ABI1: variants seen among roughly 807,000 people sequenced by gnomAD.
ABI1 encodes the protein abl interactor 1.
Under a neutral mutation model 54.6 loss-of-function variants are expected in ABI1, and 14 were observed. The ratio of observed to expected loss-of-function variants is 0.26; its 90% CI spans 0.17 to 0.40. The LOEUF is 0.40. ABI1 is among the 10% of genes least tolerant of loss of function. The pLI, the probability that ABI1 is intolerant of heterozygous loss-of-function variation, is 1.00. For synonymous variants in ABI1, 194 were observed against 209.3 expected (o/e 0.93, Z 0.63); for missense variants, 443 against 598.3 (o/e 0.74, Z 2.71).
At chr10:26,840,019 CA>C (rs1412110413) in intron 1 of ABI1, among the ~76,000 whole-genome samples, 13 of 151,834 alleles carry the variant, frequency 8.6e-5, no homozygotes, top group Non-Finnish European at 8.8e-5. Flanking sequence ...ACAAAAAAAA[CA>C]AATTCAAGAT....
intron 8 of ABI1, among the ~76,000 whole-genome samples, chr10:26,758,659 AATTTG>A (rs1838693117): frequency 6.6e-6 from 1 of 152,214 alleles, no homozygotes; most frequent in South Asian, 2.1e-4. Flanking sequence ...TCATTATATT[AATTTG>A]AAGGAAAACT....
At chr10:26,825,598 T>A (rs2133833522) in intron 1 of ABI1, among the ~76,000 whole-genome samples, 1 of 152,168 alleles carries the variant, frequency 6.6e-6, no homozygotes, top group Non-Finnish European at 1.5e-5. Flanking sequence ...GAGCCAGAGG[T>A]GGCAGTGAGC....
At chr10:26,840,596 T>C (rs2049426454) in intron 1 of ABI1, among the ~76,000 whole-genome samples, 1 of 152,136 alleles carries the variant, frequency 6.6e-6, no homozygotes, top group Non-Finnish European at 1.5e-5. Context: ...ATTACGTGTA[T>C]CCTAATTTCT....
intron 2 of ABI1, among the ~76,000 whole-genome samples, chr10:26,777,881 C>G (rs1370695729): frequency 6.6e-6 from 1 of 151,970 alleles, no homozygotes; most frequent in African/African-American, 2.4e-5. Flanking sequence ...ACACACCCCC[C>G]AAAAAAGTAA....
At chr10:26,844,533 C>T (rs2049826847) in intron 1 of ABI1, among the ~76,000 whole-genome samples, 1 of 152,234 alleles carries the variant, frequency 6.6e-6, no homozygotes, top group Admixed American at 6.5e-5. Flanking sequence ...CTTCCCTCTT[C>T]CCTTCCCTGT....
At chr10:26,769,518 C>T (rs77927511) in intron 5 of ABI1, among the ~76,000 whole-genome samples, 2,357 of 151,564 alleles carry the variant, frequency 0.016, 51 homozygotes, top group African/African-American at 0.054. Context: ...AAAATGAAAA[C>T]TAAGACCTTC....
intron 2 of ABI1, among the ~76,000 whole-genome samples, chr10:26,798,286 G>A (rs1317628618): frequency 2.0e-5 from 3 of 151,894 alleles, no homozygotes; most frequent in South Asian, 2.1e-4. Context: ...TAAGAATCTT[G>A]AGACGGGGTG....
At chr10:26,812,127 C>T (rs954180149) in intron 2 of ABI1, among the ~76,000 whole-genome samples, 1 of 152,164 alleles carries the variant, frequency 6.6e-6, no homozygotes, top group South Asian at 2.1e-4. Context: ...TCTGTGATTA[C>T]ATTTATGGCC....
At chr10:26,809,562 T>C (rs1243909958) in intron 2 of ABI1, among the ~76,000 whole-genome samples, 1 of 151,652 alleles carries the variant, frequency 6.6e-6, no homozygotes, top group African/African-American at 2.4e-5. Context: ...TATGTCCAAA[T>C]AAATAAATAA....
Position 26,786,103 on chromosome 10 carries a change from T to A in ABI1, c.286-8862A>T, listed in dbSNP as rs533694165. On this transcript the variant is annotated intron_variant, in intron 2 of 10. Transcript: ENST00000376140. ...AAAACTGTTTTTATAGTGAAACAAT[T>A]CACATATTCTGACCACCCCCATCCC... Among the ~76,000 whole-genome samples, 176 of 152,322 alleles carry A rather than the reference T, an allele frequency of 1.2e-3. 2 individuals carry two copies. Among genetic ancestry groups the A allele is most frequent in the Non-Finnish European group, 1.7e-3 (114 of 68,030 alleles).
chr10:26,770,468 A>C (rs573262652), intron 4 of ABI1, 123 bp from the exon 5 acceptor site: 45 of 1,018,940 alleles, frequency 4.4e-5, no homozygotes, highest in Non-Finnish European at 6.2e-5. Context: ...AGTTTGAATA[A>C]AGACTTTGGT....
At chr10:26,795,413 AAAAG>A (rs1483683569) in intron 2 of ABI1, among the ~76,000 whole-genome samples, 1 of 152,176 alleles carries the variant, frequency 6.6e-6, no homozygotes, top group Non-Finnish European at 1.5e-5. Flanking sequence ...TCAAACAAGA[AAAAG>A]AAATAAACAG....
At chr10:26,826,647 T>C (rs1157262901) in intron 1 of ABI1, among the ~76,000 whole-genome samples, 1 of 152,264 alleles carries the variant, frequency 6.6e-6, no homozygotes, top group Admixed American at 6.5e-5. Context: ...ATGGAAAATC[T>C]GATATTAAGT....
At chr10:26,826,140 T>C (rs1297119556) in intron 1 of ABI1, among the ~76,000 whole-genome samples, 1 of 152,246 alleles carries the variant, frequency 6.6e-6, no homozygotes, top group African/African-American at 2.4e-5. Flanking sequence ...GGAATCACTA[T>C]CTAAGGCAGC....
intron 7 of ABI1, among the ~76,000 whole-genome samples, chr10:26,760,451 T>A (rs2132549046): frequency 6.6e-6 from 1 of 152,330 alleles, no homozygotes; most frequent in African/African-American, 2.4e-5. Context: ...ATTTTGGAAC[T>A]CCCAAGTCAT....
chr10:26,786,290 T>C (rs1328291447), intron 2 of ABI1, among the ~76,000 whole-genome samples: 1 of 151,704 alleles, frequency 6.6e-6, no homozygotes, highest in Non-Finnish European at 1.5e-5. Flanking sequence ...CTCGGCTCAC[T>C]GCGCCCTCTG....
intron 8 of ABI1, among the ~76,000 whole-genome samples, chr10:26,757,378 T>C (rs16927322): frequency 0.011 from 1,633 of 151,620 alleles, 30 homozygotes; most frequent in African/African-American, 0.038. Flanking sequence ...CAAGCATTGC[T>C]AAAATAAAAC....
At chr10:26,781,901 C>T (rs7087407) in intron 2 of ABI1, among the ~76,000 whole-genome samples, 5,632 of 152,262 alleles carry the variant, frequency 0.037, 355 homozygotes, top group African/African-American at 0.13. Flanking sequence ...CCAGACACAG[C>T]AACATATCTA....
At chr10:26,811,958 G>A (rs1411055198) in intron 2 of ABI1, among the ~76,000 whole-genome samples, 1 of 152,138 alleles carries the variant, frequency 6.6e-6, no homozygotes, top group African/African-American at 2.4e-5. Context: ...GGCTCCCTGA[G>A]AAGGCTCAGG....
Sources: allele counts gnomAD v4.1 joint callset (sites outside exome capture counted in the v4.1 genomes callset), GRCh38; gene constraint gnomAD v4.1.1; transcripts MANE v1.5; gene names NCBI Gene and HGNC (gene_info 2026-07-23, HGNC 2026-07-21).